The following KEAP1 variants were observed in gnomAD, a reference collection of about 807,000 sequenced individuals.
KEAP1 encodes the protein kelch like ECH associated protein 1.
In KEAP1, 26 loss-of-function variants were observed where a neutral mutation model predicts 59.7. The observed-to-expected ratio is 0.44, with a 90% CI of 0.32 to 0.60. KEAP1 has a LOEUF of 0.60. Ranked by LOEUF, KEAP1 falls within the 20% of genes least tolerant of loss-of-function variation. The probability of loss-of-function intolerance (pLI) is 0.06; values close to 1 mark genes in which losing one functional copy is unlikely to be tolerated. For synonymous variants in KEAP1, 350 were observed against 358.3 expected (o/e 0.98, Z 0.26); for missense variants, 539 against 871.4 (o/e 0.62, Z 4.80).
chr19:10,490,247 A>G (rs12971603), intron 3 of KEAP1: 58,039 of 153,388 alleles, frequency 0.38, 11,817 homozygotes, highest in African/African-American at 0.48. Flanking sequence ...GCGAGACTCC[A>G]TCTCAAAAAA....
Position 10,489,786 on chromosome 19 carries a change from C to A in KEAP1, c.1393G>T (p.Val465Leu), listed in dbSNP as rs1468842259. Residue 465 changes from valine (V) to leucine (L), a missense_variant, in exon 4 of 6, where the codon GTG becomes TTG. Physicochemically the swap from Val to Leu is conservative, Grantham distance 32. Transcript: ENST00000171111. ...TAAAGGAGACGATTGAGGACAGCCACGCCCACCCCGATCCTTCGTGTCAGC... is the reference window on the plus strand; with the variant it reads ...TAAAGGAGACGATTGAGGACAGCCAAGCCCACCCCGATCCTTCGTGTCAGC... ...PMLTRRIGVG[V>L]AVLNRLLYAV... 5 of 1,613,986 alleles carry A rather than the reference C, an allele frequency of 3.1e-6. No individual in the cohort carries two copies. The highest frequency in any genetic ancestry group is 4.2e-6 in the Non-Finnish European group (5 of 1,180,044).
chr19:10,491,495 AG>A lies in KEAP1; in HGVS notation c.1325+81del. The A allele has an allele frequency of 8.1e-7, 1 of 1,237,596 alleles. No homozygotes were observed. The highest frequency in any genetic ancestry group is 1.1e-6 in the Non-Finnish European group (1 of 920,432). 76.7% of individuals were successfully genotyped at this position (1,237,596 alleles called of 1,614,324 possible). A position where few individuals can be genotyped will look rare whatever the true frequency, so the allele number is the denominator to read the frequency against. On this transcript the variant is annotated intron_variant, in intron 3 of 5. Coordinates refer to ENST00000171111, the MANE Select transcript of KEAP1 (RefSeq NM_203500.2). The surrounding 1 kb of genome is among the most constrained non-coding windows in gnomAD (Gnocchi z 5.2). ...GAAGACAGGAAGAGGAAACAGCCTC[AG>A]GAAGAATACCCGGATCTCAGTGTCT...
chr19:10,498,198 G>A (rs887601170), intron 2 of KEAP1, among the ~76,000 whole-genome samples: 2 of 111,102 alleles, frequency 1.8e-5, no homozygotes, highest in African/African-American at 3.0e-5. Context: ...CCGCGCCCAG[G>A]CTTTTTTTTT....
chr19:10,493,299 C>T (rs1426972663), intron 2 of KEAP1, among the ~76,000 whole-genome samples: 1 of 151,824 alleles, frequency 6.6e-6, no homozygotes, highest in African/African-American at 2.4e-5. Flanking sequence ...GCTGGGACTA[C>T]AGGCGCCCGC....
At chr19:10,494,844 C>T (rs1454087796) in intron 2 of KEAP1, among the ~76,000 whole-genome samples, 3 of 149,264 alleles carry the variant, frequency 2.0e-5, no homozygotes, top group South Asian at 2.1e-4. Context: ...TTAGTAGAGA[C>T]GGGGTTTCAC....
chr19:10,491,835 G>A lies in KEAP1; in HGVS notation c.1067C>T (p.Ala356Val), dbSNP rs754728119. 4.4e-6 allele frequency: 7 copies of A among 1,605,990 alleles called. No individual in the cohort carries two copies. Among genetic ancestry groups the A allele is most frequent in the Admixed American group, 1.7e-5 (1 of 58,614 alleles). Reference protein sequence around the residue: ...NPSDGTWLRLADLQVPRSGLA... With the variant: ...NPSDGTWLRLVDLQVPRSGLA... ...GCCGCTCCGCGGCACCTGCAGGTCC[G>A]CCAACCGGAGCCAGGTGCCGTCACT... is the stretch of plus-strand genomic sequence containing the variant. The change falls in exon 3 of 6, where the codon GCG becomes GTG. Residue 356 changes from alanine (A) to valine (V), a missense_variant. Transcript: ENST00000171111. This position sits in a 1 kb window ranked among gnomAD's most constrained non-coding sequence, Gnocchi z 5.2.
chr19:10,486,928 G>A (rs1899224567), intron 5 of KEAP1, 110 bp from the exon 6 acceptor site: 3 of 1,143,296 alleles, frequency 2.6e-6, no homozygotes, highest in South Asian at 3.0e-5. Flanking sequence ...CGGGCGTGGT[G>A]GCTCACGCCT....
chr19:10,497,153 C>T (rs1599488755), intron 2 of KEAP1, among the ~76,000 whole-genome samples: 1 of 151,728 alleles, frequency 6.6e-6, no homozygotes. Flanking sequence ...GTCAGGCACT[C>T]GTCTATGTAA....
chr19:10,494,125 G>A (rs977189341), intron 2 of KEAP1, among the ~76,000 whole-genome samples: 9 of 151,490 alleles, frequency 5.9e-5, no homozygotes, highest in African/African-American at 2.2e-4. Flanking sequence ...TATTTTTATG[G>A]TAGAGACGGG....
chr19:10,489,289 G>A lies in KEAP1; in HGVS notation c.1611C>T (p.Tyr537=), dbSNP rs11545829. The change falls in exon 5 of 6, where the codon TAC becomes TAT. Residue 537 remains tyrosine (Y), a synonymous_variant. Transcript: ENST00000171111. Reference sequence around the variant, plus strand: ...AAGTCCACGTCTCTGTTTCCACATCGTAGCGCTCCACGCTGTTCAGCTGGT... The same window carrying A: ...AAGTCCACGTCTCTGTTTCCACATCATAGCGCTCCACGCTGTTCAGCTGGT... ...GQDQLNSVER[Y]DVETETWTFV... The A allele has an allele frequency of 0.016, 25,966 of 1,613,870 alleles. 2,481 individuals are homozygous for A. The East Asian group carries it at 0.29, about 18-fold the overall frequency.
chr19:10,489,488 G>C, intron 4 of KEAP1, 120 bp from the exon 5 acceptor site: 2 of 1,262,984 alleles, frequency 1.6e-6, no homozygotes, highest in Non-Finnish European at 2.2e-6. Flanking sequence ...GAAATGAAGC[G>C]GGGAGAGAGA....
chr19:10,489,594 C>T (rs2144588883), intron 4 of KEAP1, 54 bp downstream of exon 4: 1 of 1,594,876 alleles, frequency 6.3e-7, no homozygotes, highest in Admixed American at 1.7e-5. Flanking sequence ...CAGTTTCACC[C>T]CAGGATGGTA....
intron 3 of KEAP1, 102 bp from the exon 4 acceptor site, chr19:10,489,955 T>TC: frequency 8.5e-7 from 1 of 1,173,614 alleles, no homozygotes; most frequent in Non-Finnish European, 1.2e-6. Context: ...TTTTTCCCCC[T>TC]TAAAGAGACA....
intron 1 of KEAP1, among the ~76,000 whole-genome samples, chr19:10,501,219 C>T (rs1189682774): frequency 1.3e-5 from 2 of 151,970 alleles, no homozygotes; most frequent in Non-Finnish European, 2.9e-5. Flanking sequence ...TCCTGGAGGG[C>T]CAGGAGATGA....
In KEAP1 at chr19:10,499,573, T is replaced by C. The variant is rs1250306926; in HGVS notation, c.461A>G (p.His154Arg). The C allele has an allele frequency of 6.2e-7, 1 of 1,614,120 alleles. No homozygotes were observed. The highest frequency in any genetic ancestry group is 8.5e-7 in the Non-Finnish European group (1 of 1,180,034). ...GTACATGACAGCACCGTTCATGACGTGGAGGACACACTTCTCGCCCATGGA... is the reference window on the plus strand; with the variant it reads ...GTACATGACAGCACCGTTCATGACGCGGAGGACACACTTCTCGCCCATGGA... ...SISMGEKCVL[H>R]VMNGAVMYQI... The change falls in exon 2 of 6, where the codon CAC (histidine) becomes CGC (arginine). Residue 154 changes from histidine to arginine, a missense_variant. This residue lies in a region of KEAP1 where 166 missense variants were observed against 295.8 expected (regional missense o/e 0.56). Transcript: ENST00000171111. The surrounding 1 kb of genome is among the most constrained non-coding windows in gnomAD (Gnocchi z 6.7).
rs1914469570 is a variant in KEAP1, at chr19:10,486,626, A to T, written c.*26T>A. On this transcript the variant is annotated 3_prime_UTR_variant, in exon 6 of 6. Coordinates refer to ENST00000171111, the MANE Select transcript of KEAP1 (RefSeq NM_203500.2). ...ACAATGATACTCCCCATTGGACTGT[A>T]TTTTTGCCCAAGAAACAAAAGTGCC... 6.2e-7 allele frequency: 1 copy of T among 1,609,302 alleles called. No homozygotes were observed. Among genetic ancestry groups the T allele is most frequent in the East Asian group, 2.2e-5 (1 of 44,772 alleles).
In KEAP1 at chr19:10,491,545, C is replaced by A; in HGVS notation, c.1325+32G>T. ...CTTGGGACTTGCCAGGAGCAGGACC[C>A]TCCGAGCCCACCCCCAGGCCCTGCC... On this transcript the variant is annotated intron_variant, in intron 3 of 5. Coordinates refer to ENST00000171111, the MANE Select transcript of KEAP1 (RefSeq NM_203500.2). This position sits in a 1 kb window ranked among gnomAD's most constrained non-coding sequence, Gnocchi z 5.2. 3 of 1,485,746 alleles carry A rather than the reference C, an allele frequency of 2.0e-6. No homozygotes were observed. Among genetic ancestry groups the A allele is most frequent in the Non-Finnish European group, 2.7e-6 (3 of 1,116,786 alleles). 92.0% of individuals were successfully genotyped at this position (1,485,746 alleles called of 1,614,324 possible).
At chr19:10,487,400 C>A (rs908270222) in intron 5 of KEAP1, among the ~76,000 whole-genome samples, 19 of 151,046 alleles carry the variant, frequency 1.3e-4, no homozygotes, top group Middle Eastern at 7.0e-3. Context: ...CTCATGCCTG[C>A]AATCCCAGCA....
chr19:10,501,474 A>C (rs551245384), intron 1 of KEAP1, among the ~76,000 whole-genome samples: 1 of 151,768 alleles, frequency 6.6e-6, no homozygotes, highest in Non-Finnish European at 1.5e-5. Context: ...CTAAAAATAC[A>C]AAAAAATTAG....
Sources: allele counts gnomAD v4.1 joint callset (sites outside exome capture counted in the v4.1 genomes callset), GRCh38; gene constraint gnomAD v4.1.1; regional missense constraint gnomAD v4.1.1; non-coding constraint Gnocchi (gnomAD v3.1); transcripts MANE v1.5; gene names NCBI Gene and HGNC (gene_info 2026-07-23, HGNC 2026-07-21).